The following IL1RAPL2 variants were observed in gnomAD, a reference collection of about 807,000 sequenced individuals.
IL1RAPL2 encodes X-linked interleukin-1 receptor accessory protein-like 2.
A neutral mutation model predicts 44.1 loss-of-function variants in IL1RAPL2; 3 were observed. The ratio of observed to expected loss-of-function variants is 0.07; its 90% CI spans 0.03 to 0.18. The LOEUF (loss-of-function observed/expected upper bound fraction) is 0.18. IL1RAPL2 is among the 10% of genes least tolerant of loss of function. IL1RAPL2 has a pLI of 1.00. For synonymous variants in IL1RAPL2, 181 were observed against 178.8 expected, an observed-to-expected ratio of 1.01 and a Z score of -0.10; for missense variants, 391 against 496.4, an observed-to-expected ratio of 0.79 and a Z score of 2.02.
At chrX:104,885,621 G>C (rs980415906) in intron 2 of IL1RAPL2, among the ~76,000 whole-genome samples, 2 of 111,626 alleles carry the variant, frequency 1.8e-5, no homozygotes, top group Non-Finnish European at 3.8e-5. Context: ...GGCAACCTCG[G>C]TGTTCTATAA....
intron 5 of IL1RAPL2, among the ~76,000 whole-genome samples, chrX:105,328,481 A>G (rs2034958907): frequency 8.9e-6 from 1 of 111,823 alleles, no homozygotes; most frequent in Non-Finnish European, 1.9e-5. Flanking sequence ...CTTGAAATTA[A>G]GAAGAGGTTT....
chrX:104,589,799 C>T (rs1928629765), intron 1 of IL1RAPL2, among the ~76,000 whole-genome samples: 1 of 110,962 alleles, frequency 9.0e-6, no homozygotes, highest in Non-Finnish European at 1.9e-5. Context: ...GAAAGCGAAC[C>T]ACATGTTTGC....
chrX:105,204,786 G>T (rs1033077797), intron 3 of IL1RAPL2, among the ~76,000 whole-genome samples: 1 of 111,587 alleles, frequency 9.0e-6, no homozygotes, highest in Non-Finnish European at 1.9e-5. Flanking sequence ...GACTACTCAG[G>T]TTCAACCAGG....
chrX:105,195,457 C>G lies in IL1RAPL2; in HGVS notation c.83-18C>G. ...ACAATGCTCACTGTATCTTATACCT[C>G]TTCTGATTTTCTTTCAGTGGATGGC... is the stretch of plus-strand genomic sequence containing the variant. On this transcript the variant is annotated intron_variant, in intron 2 of 10. Transcript: ENST00000372582. 8.3e-7 allele frequency: 1 copy of G among 1,208,216 alleles called. No individual in the cohort carries two copies. Among genetic ancestry groups the G allele is most frequent in the East Asian group, 3.0e-5 (1 of 33,810 alleles).
intron 2 of IL1RAPL2, among the ~76,000 whole-genome samples, chrX:104,660,517 TAA>T (rs1431312923): frequency 9.4e-6 from 1 of 106,199 alleles, no homozygotes; most frequent in African/African-American, 3.4e-5. Context: ...GCTTATTATA[TAA>T]GAGAAGAGAG....
At chrX:105,153,378 A>G in intron 2 of IL1RAPL2, among the ~76,000 whole-genome samples, 2 of 112,630 alleles carry the variant, frequency 1.8e-5, no homozygotes, top group Middle Eastern at 4.6e-3. Flanking sequence ...AAAGTGAATC[A>G]CAGGGTGGTT....
chrX:105,446,975 G>A (rs2035959395), intron 5 of IL1RAPL2, among the ~76,000 whole-genome samples: 1 of 96,538 alleles, frequency 1.0e-5, no homozygotes, highest in Non-Finnish European at 2.0e-5. Context: ...TATAGGGTAG[G>A]GCTGGTGTTG....
intron 2 of IL1RAPL2, among the ~76,000 whole-genome samples, chrX:104,918,005 A>AC (rs1924513289): frequency 9.1e-6 from 1 of 110,194 alleles, no homozygotes; most frequent in South Asian, 3.7e-4. Context: ...AGGTAATAAT[A>AC]CCAGAGAAGA....
intron 6 of IL1RAPL2, among the ~76,000 whole-genome samples, chrX:105,656,303 G>A (rs2037676746): frequency 8.9e-6 from 1 of 112,089 alleles, no homozygotes; most frequent in Non-Finnish European, 1.9e-5. Context: ...GAAAAGAGAA[G>A]CAAGTGAGTT....
At chrX:105,129,829 AG>A (rs1348772067) in intron 2 of IL1RAPL2, among the ~76,000 whole-genome samples, 1 of 110,504 alleles carries the variant, frequency 9.0e-6, no homozygotes, top group African/African-American at 3.3e-5. Flanking sequence ...TCTTCTGCTT[AG>A]AACCCTTCAG....
chrX:105,477,367 G>C (rs966119587), intron 5 of IL1RAPL2, among the ~76,000 whole-genome samples: 16 of 111,528 alleles, frequency 1.4e-4, no homozygotes, highest in African/African-American at 4.2e-4. Context: ...TAAGTGGCCA[G>C]TAAATTGTGT....
chrX:105,435,635 A>G (rs996226839), intron 5 of IL1RAPL2, among the ~76,000 whole-genome samples: 4 of 111,854 alleles, frequency 3.6e-5, no homozygotes, highest in Non-Finnish European at 3.8e-5. Flanking sequence ...AAGACCTAGA[A>G]CCAACCCAAA....
chrX:104,791,175 C>A (rs1932824036), intron 2 of IL1RAPL2, among the ~76,000 whole-genome samples: 1 of 108,694 alleles, frequency 9.2e-6, no homozygotes, highest in South Asian at 4.1e-4. Context: ...CCTGCCCTGC[C>A]TTGCCCTGCC....
intron 2 of IL1RAPL2, among the ~76,000 whole-genome samples, chrX:105,050,568 A>C (rs1022497239): frequency 8.9e-6 from 1 of 111,811 alleles, no homozygotes; most frequent in Non-Finnish European, 1.9e-5. Context: ...TACTGGACAT[A>C]GATGTTTACA....
At chrX:104,568,655 CA>C (rs1928087588) in intron 1 of IL1RAPL2, among the ~76,000 whole-genome samples, 1 of 111,933 alleles carries the variant, frequency 8.9e-6, no homozygotes, top group African/African-American at 3.2e-5. Context: ...CTTAGGCTTC[CA>C]CCCCTTCTTG....
At chrX:104,902,620 T>C (rs1923853248) in intron 2 of IL1RAPL2, among the ~76,000 whole-genome samples, 1 of 112,152 alleles carries the variant, frequency 8.9e-6, no homozygotes, top group Admixed American at 9.5e-5. Flanking sequence ...GATTATTTAG[T>C]AATGAGTGAC....
intron 6 of IL1RAPL2, among the ~76,000 whole-genome samples, chrX:105,709,896 G>A (rs1445917178): frequency 9.0e-6 from 1 of 111,497 alleles, no homozygotes; most frequent in Non-Finnish European, 1.9e-5. Flanking sequence ...TGGGATTGGG[G>A]CAACTTGGTG....
intron 1 of IL1RAPL2, among the ~76,000 whole-genome samples, chrX:104,585,360 AT>A (rs1928530259): frequency 6.6e-4 from 14 of 21,169 alleles, no homozygotes; most frequent in African/African-American, 1.7e-3. Flanking sequence ...TATTATATAT[AT>A]TATATATATT....
intron 2 of IL1RAPL2, among the ~76,000 whole-genome samples, chrX:104,954,346 T>G (rs184011196): frequency 8.9e-6 from 1 of 112,079 alleles, no homozygotes; most frequent in Admixed American, 9.4e-5. Context: ...TTTTGAATTA[T>G]ATGATCAATT....
Sources: allele counts gnomAD v4.1 joint callset (sites outside exome capture counted in the v4.1 genomes callset), GRCh38; gene constraint gnomAD v4.1.1; transcripts MANE v1.5; gene names NCBI Gene and HGNC (gene_info 2026-07-23, HGNC 2026-07-21).